The following NKAIN2 variants were observed in gnomAD, a reference collection of about 807,000 sequenced individuals.
NKAIN2 encodes sodium/potassium transporting ATPase interacting 2.
Under a neutral mutation model 32.6 loss-of-function variants are expected in NKAIN2, and 14 were observed. The observed-to-expected ratio is 0.43, with a 90% CI of 0.28 to 0.67. The LOEUF (loss-of-function observed/expected upper bound fraction) is 0.67. NKAIN2 is among the 30% of genes least tolerant of loss of function. The pLI is 0.17. For synonymous variants in NKAIN2, 80 were observed against 87.2 expected (o/e 0.92, Z 0.46); for missense variants, 198 against 258.3 (o/e 0.77, Z 1.60).
At chr6:123,940,038 C>T (rs146822268) in intron 1 of NKAIN2, among the ~76,000 whole-genome samples, 1,528 of 151,648 alleles carry the variant, frequency 0.01, 18 homozygotes, top group Middle Eastern at 0.017. Context: ...ATTTATGGGC[C>T]CAGAGTGCTT....
intron 5 of NKAIN2, among the ~76,000 whole-genome samples, chr6:124,795,638 C>A (rs1779962669): frequency 6.6e-6 from 1 of 152,108 alleles, no homozygotes; most frequent in Admixed American, 6.5e-5. Flanking sequence ...AAATTTATTT[C>A]TCACAGTTTT....
At chr6:124,749,294 G>T (rs1277395229) in intron 4 of NKAIN2, among the ~76,000 whole-genome samples, 3 of 151,846 alleles carry the variant, frequency 2.0e-5, no homozygotes, top group African/African-American at 7.3e-5. Flanking sequence ...ACTGAACACA[G>T]TCCATCTGTA....
At chr6:124,463,603 C>CT (rs1776622254) in intron 3 of NKAIN2, among the ~76,000 whole-genome samples, 1 of 152,062 alleles carries the variant, frequency 6.6e-6, no homozygotes, top group Non-Finnish European at 1.5e-5. Flanking sequence ...CCAATGCCTT[C>CT]TTCCCTCCTC....
At chr6:124,357,981 T>G (rs949646503) in intron 3 of NKAIN2, among the ~76,000 whole-genome samples, 42 of 152,286 alleles carry the variant, frequency 2.8e-4, no homozygotes, top group African/African-American at 8.9e-4. Context: ...TGTGTTCATG[T>G]GTTCTCATTG....
At chr6:124,487,327 G>A (rs76724037) in intron 3 of NKAIN2, among the ~76,000 whole-genome samples, 8,204 of 152,094 alleles carry the variant, frequency 0.054, 731 homozygotes, top group African/African-American at 0.19. Flanking sequence ...TATTGAAATA[G>A]CTTTTATCTG....
At chr6:123,833,303 G>T (rs139635775) in intron 1 of NKAIN2, among the ~76,000 whole-genome samples, 1 of 152,082 alleles carries the variant, frequency 6.6e-6, no homozygotes. Flanking sequence ...TTATCTGTCT[G>T]TTCTTTAGGC....
intron 1 of NKAIN2, among the ~76,000 whole-genome samples, chr6:124,125,711 C>T (rs1007036666): frequency 2.0e-5 from 3 of 152,138 alleles, no homozygotes; most frequent in African/African-American, 7.2e-5. Context: ...GCTCTAGAAC[C>T]TTTTACAGAA....
chr6:124,448,779 A>C (rs1775990770), intron 3 of NKAIN2, among the ~76,000 whole-genome samples: 1 of 152,132 alleles, frequency 6.6e-6, no homozygotes, highest in Non-Finnish European at 1.5e-5. Context: ...ACCTGAGGTT[A>C]TTTTTGTTAA....
intron 3 of NKAIN2, among the ~76,000 whole-genome samples, chr6:124,579,145 A>C (rs1781435935): frequency 6.6e-6 from 1 of 152,172 alleles, no homozygotes; most frequent in East Asian, 1.9e-4. Context: ...GAGTACAAAC[A>C]AGCTCAGACT....
intron 3 of NKAIN2, among the ~76,000 whole-genome samples, chr6:124,532,878 G>C (rs1779576588): frequency 1.3e-5 from 2 of 152,142 alleles, no homozygotes; most frequent in Admixed American, 6.5e-5. Flanking sequence ...TGTTTTAAGA[G>C]CCAAGCTCTC....
intron 2 of NKAIN2, among the ~76,000 whole-genome samples, chr6:124,306,075 C>A (rs2114988986): frequency 6.6e-6 from 1 of 152,246 alleles, no homozygotes; most frequent in African/African-American, 2.4e-5. Flanking sequence ...TGTTTATAAT[C>A]AGAATCTGCA....
At chr6:123,860,791 T>G (rs1451514967) in intron 1 of NKAIN2, among the ~76,000 whole-genome samples, 1 of 152,234 alleles carries the variant, frequency 6.6e-6, no homozygotes, top group African/African-American at 2.4e-5. Flanking sequence ...TGACCACCTC[T>G]CACATACTTT....
At chr6:124,157,467 G>T (rs1455717085) in intron 1 of NKAIN2, among the ~76,000 whole-genome samples, 1 of 152,080 alleles carries the variant, frequency 6.6e-6, no homozygotes, top group Non-Finnish European at 1.5e-5. Flanking sequence ...TAGCGCTATT[G>T]CTTTATTTTG....
chr6:124,493,295 T>A (rs1777936616), intron 3 of NKAIN2, among the ~76,000 whole-genome samples: 1 of 151,998 alleles, frequency 6.6e-6, no homozygotes, highest in African/African-American at 2.4e-5. Context: ...TCAGTGAAAT[T>A]GACAACTTTA....
intron 1 of NKAIN2, among the ~76,000 whole-genome samples, chr6:123,940,289 G>A (rs1776753472): frequency 6.6e-6 from 1 of 151,554 alleles, no homozygotes; most frequent in Admixed American, 6.6e-5. Flanking sequence ...TGTATTTTAT[G>A]TGTGTGTTTG....
At chr6:124,051,789 C>T (rs1323271488) in intron 1 of NKAIN2, among the ~76,000 whole-genome samples, 3 of 151,968 alleles carry the variant, frequency 2.0e-5, no homozygotes, top group Admixed American at 1.3e-4. Flanking sequence ...TCCTTGGTCT[C>T]TCTAGAAGCA....
intron 4 of NKAIN2, among the ~76,000 whole-genome samples, chr6:124,723,181 C>T (rs1235923092): frequency 1.3e-5 from 2 of 152,200 alleles, no homozygotes; most frequent in East Asian, 3.8e-4. Context: ...ATAATTGTCA[C>T]TTTGCATGTG....
intron 1 of NKAIN2, among the ~76,000 whole-genome samples, chr6:123,993,546 A>C (rs1779498342): frequency 6.6e-6 from 1 of 152,192 alleles, no homozygotes; most frequent in Non-Finnish European, 1.5e-5. Flanking sequence ...CATCTTTGAA[A>C]TAAAACATTT....
intron 3 of NKAIN2, among the ~76,000 whole-genome samples, chr6:124,626,089 C>T (rs1402640614): frequency 1.0e-5 from 1 of 97,164 alleles, no homozygotes; most frequent in Non-Finnish European, 2.2e-5. Flanking sequence ...GCTATCCCTC[C>T]CCACTCCCCA....
Sources: gnomAD v4.1 joint callset for allele counts (sites outside exome capture counted in the v4.1 genomes callset) on GRCh38, gnomAD v4.1.1 for gene constraint, MANE v1.5 for transcripts, NCBI Gene and HGNC (gene_info 2026-07-23, HGNC 2026-07-21) for gene names.